CTNNBIP1: variants seen among roughly 807,000 people sequenced by gnomAD.
CTNNBIP1 encodes catenin beta interacting protein 1.
CTNNBIP1 carries 7 observed loss-of-function variants against 11.8 expected under a neutral mutation model. The ratio of observed to expected loss-of-function variants is 0.60; its 90% confidence interval spans 0.34 to 1.12. The LOEUF (loss-of-function observed/expected upper bound fraction) is 1.12. CTNNBIP1 is among the 50% of genes most tolerant of loss of function. CTNNBIP1 has a pLI of 0.03. For synonymous variants in CTNNBIP1, 58 were observed against 43.9 expected, an observed-to-expected ratio of 1.32 and a Z score of -1.26; for missense variants, 101 against 113.4, an observed-to-expected ratio of 0.89 and a Z score of 0.50.
intron 5 of CTNNBIP1, among the ~76,000 whole-genome samples, chr1:9,864,397 C>T (rs1029005772): frequency 1.3e-5 from 2 of 152,214 alleles, no homozygotes; most frequent in Non-Finnish European, 2.9e-5. Flanking sequence ...GGCGCGATCT[C>T]GGCTCACTGC....
At chr1:9,864,518 C>T (rs1000559935) in intron 5 of CTNNBIP1, among the ~76,000 whole-genome samples, 13 of 152,292 alleles carry the variant, frequency 8.5e-5, no homozygotes, top group East Asian at 1.9e-4. Context: ...TTAGTAGAGA[C>T]GGAGTTTCAC....
chr1:9,848,303 T>G lies in CTNNBIP1; in HGVS notation c.*2415A>C, dbSNP rs1303209010. The G allele has an allele frequency of 6.6e-6, 1 of 152,222 alleles. No homozygotes were observed. The highest frequency in any genetic ancestry group is 2.4e-5 in the African/African-American group (1 of 41,450). 9.4% of individuals were successfully genotyped at this position (152,222 alleles called of 1,614,324 possible). ...CCTATGAAAATTCTTTATTGTTAAT[T>G]TCTTTCTCCAACAGATATATTTTTA... On this transcript the variant is annotated 3_prime_UTR_variant, in exon 6 of 6. Coordinates refer to ENST00000377263, the MANE Select transcript of CTNNBIP1 (RefSeq NM_020248.3). This position sits in a 1 kb window ranked among gnomAD's most constrained non-coding sequence, Gnocchi z 4.3.
At chr1:9,881,164 T>C (rs530483548) in intron 2 of CTNNBIP1, among the ~76,000 whole-genome samples, 2 of 151,924 alleles carry the variant, frequency 1.3e-5, no homozygotes, top group African/African-American at 4.8e-5. Flanking sequence ...GCCTCCTGCA[T>C]GGCTGAACCA....
rs560849922 is a variant in CTNNBIP1, at chr1:9,860,439, A to C, written c.188-9663T>G. Among the ~76,000 whole-genome samples, 215 of 150,192 alleles carry C rather than the reference A, an allele frequency of 1.4e-3. 2 individuals carry two copies. The South Asian group carries it at 0.017, about 12-fold the overall frequency. On this transcript the variant is annotated intron_variant, in intron 5 of 5. Transcript: ENST00000377263. The stretch of plus-strand genomic sequence containing the variant: ...AACCCCGTCTCTACTAAAAAAAAAA[A>C]AAAAAAAAAAAAAAACAAAACTTAG...
At chr1:9,874,651 CCT>C (rs778465911) in intron 3 of CTNNBIP1, among the ~76,000 whole-genome samples, 2 of 152,364 alleles carry the variant, frequency 1.3e-5, no homozygotes, top group South Asian at 2.1e-4. Flanking sequence ...TGTGCTCACC[CCT>C]GTCCTCCGGG....
At chr1:9,886,700 TA>T (rs1426925935) in intron 1 of CTNNBIP1, among the ~76,000 whole-genome samples, 2 of 152,110 alleles carry the variant, frequency 1.3e-5, no homozygotes, top group Non-Finnish European at 2.9e-5. Context: ...TGCTCTCCAG[TA>T]TACAAGTACC....
Position 9,849,646 on chromosome 1 carries a change from A to G in CTNNBIP1, c.*1072T>C, listed in dbSNP as rs1297639709. 5 of 152,274 alleles carry G rather than the reference A, an allele frequency of 3.3e-5. No homozygotes were observed. Among genetic ancestry groups the G allele is most frequent in the Non-Finnish European group, 7.3e-5 (5 of 68,082 alleles). The allele number at this position is 152,274 out of a possible 1,614,324, so 9.4% of individuals were successfully genotyped here. A position where few individuals can be genotyped will look rare whatever the true frequency, so the allele number is the denominator to read the frequency against. On this transcript the variant is annotated 3_prime_UTR_variant, in exon 6 of 6. Transcript: ENST00000377263. Reference sequence around the variant, plus strand: ...GGGAGAAGCTCCTCCCCTTTCCAAGATGACCCCCAAAATGAGGCCTCAGGA... The same window carrying G: ...GGGAGAAGCTCCTCCCCTTTCCAAGGTGACCCCCAAAATGAGGCCTCAGGA...
rs181650246 is a variant in CTNNBIP1, at chr1:9,891,063, C to A, written c.-143-7325G>T. ...TGTCAAAAGCTATGCCAGCTCTTTGCAGGGTCACAGCTTAAAATTTTAATT... is the reference window on the plus strand; with the variant it reads ...TGTCAAAAGCTATGCCAGCTCTTTGAAGGGTCACAGCTTAAAATTTTAATT... On this transcript the variant is annotated intron_variant, in intron 1 of 5. Coordinates refer to ENST00000377263, the MANE Select transcript of CTNNBIP1 (RefSeq NM_020248.3). Among the ~76,000 whole-genome samples the A allele has an allele frequency of 1.3e-4, 19 of 149,018 alleles. No homozygotes were observed. In the East Asian group the frequency reaches 2.6e-3, roughly 20 times the overall value.
Position 9,850,651 on chromosome 1 carries a change from C to T in CTNNBIP1, c.*67G>A. ...GGCAAGGGGGGCTGCTGCCACTCAG[C>T]CGGCCCAGGAGCCACACAGATCTCT... On this transcript the variant is annotated 3_prime_UTR_variant, in exon 6 of 6. Transcript: ENST00000377263. The T allele has an allele frequency of 6.7e-7, 1 of 1,485,674 alleles. No homozygotes were observed. Among genetic ancestry groups the T allele is most frequent in the Non-Finnish European group, 9.4e-7 (1 of 1,063,598 alleles). The allele number at this position is 1,485,674 out of a possible 1,614,324, so 92.0% of individuals were successfully genotyped here. A position where few individuals can be genotyped will look rare whatever the true frequency, so the allele number is the denominator to read the frequency against.
intron 1 of CTNNBIP1, among the ~76,000 whole-genome samples, chr1:9,903,113 T>C (rs985361659): frequency 2.0e-5 from 3 of 152,172 alleles, no homozygotes; most frequent in Non-Finnish European, 4.4e-5. Context: ...CTAGTACCTA[T>C]GATGGTGTCC....
intron 1 of CTNNBIP1, among the ~76,000 whole-genome samples, chr1:9,902,115 A>G (rs1639533567): frequency 6.6e-6 from 1 of 152,098 alleles, no homozygotes; most frequent in Non-Finnish European, 1.5e-5. Flanking sequence ...TAATCTGTAT[A>G]TATTGACCCA....
chr1:9,855,997 A>C (rs1344120193), intron 5 of CTNNBIP1, among the ~76,000 whole-genome samples: 1 of 152,078 alleles, frequency 6.6e-6, no homozygotes, highest in Non-Finnish European at 1.5e-5. Context: ...AATATCAAAA[A>C]GTTAGCTGGG....
intron 3 of CTNNBIP1, among the ~76,000 whole-genome samples, chr1:9,877,254 T>C (rs1302743709): frequency 6.6e-6 from 1 of 152,224 alleles, no homozygotes; most frequent in African/African-American, 2.4e-5. Context: ...TGGGTCTCTG[T>C]CTGGGAAATG....
chr1:9,854,673 T>TA (rs969740400), intron 5 of CTNNBIP1, among the ~76,000 whole-genome samples: 1 of 151,412 alleles, frequency 6.6e-6, no homozygotes, highest in African/African-American at 2.4e-5. Flanking sequence ...AGGAATCCAC[T>TA]AAAAAAAAAT....
At chr1:9,859,194 C>T (rs1302239223) in intron 5 of CTNNBIP1, among the ~76,000 whole-genome samples, 2 of 152,184 alleles carry the variant, frequency 1.3e-5, no homozygotes, top group African/African-American at 2.4e-5. Context: ...CTCACTAGTC[C>T]CCTGGCTCAC....
chr1:9,902,128 A>G (rs1375885565), intron 1 of CTNNBIP1, among the ~76,000 whole-genome samples: 1 of 152,102 alleles, frequency 6.6e-6, no homozygotes, highest in Non-Finnish European at 1.5e-5. Context: ...TTGACCCAAA[A>G]TGGGGGCCAG....
At chr1:9,877,309 C>T (rs1206249185) in intron 3 of CTNNBIP1, among the ~76,000 whole-genome samples, 1 of 152,230 alleles carries the variant, frequency 6.6e-6, no homozygotes, top group Non-Finnish European at 1.5e-5. Context: ...CTCGCTTTGA[C>T]AGGCACGAGT....
chr1:9,890,807 T>C (rs543909552), intron 1 of CTNNBIP1, among the ~76,000 whole-genome samples: 145 of 152,248 alleles, frequency 9.5e-4, no homozygotes, highest in Admixed American at 1.4e-3. Context: ...AGGAACGCTT[T>C]TTCTCTCCTG....
chr1:9,896,690 C>T (rs915044061), intron 1 of CTNNBIP1, among the ~76,000 whole-genome samples: 7 of 152,188 alleles, frequency 4.6e-5, no homozygotes, highest in South Asian at 2.1e-4. Context: ...AAAAATTGGC[C>T]GGGTGCGGCG....
Sources: allele counts gnomAD v4.1 joint callset (sites outside exome capture counted in the v4.1 genomes callset), GRCh38; gene constraint gnomAD v4.1.1; non-coding constraint Gnocchi (gnomAD v3.1); transcripts MANE v1.5; gene names NCBI Gene and HGNC (gene_info 2026-07-23, HGNC 2026-07-21).